Variants in LRP1B observed in about 807,000 individuals in gnomAD.
LRP1B encodes low-density lipoprotein receptor-related protein 1B.
A neutral mutation model predicts 556.6 loss-of-function variants in LRP1B; 217 were observed. The ratio of observed to expected loss-of-function variants is 0.39; its 90% CI spans 0.35 to 0.44. The LOEUF is 0.44. Among genes scored for constraint, LRP1B ranks in the 20% least tolerant of loss-of-function variants. The pLI is 1.00. For missense variants in LRP1B, 5,053 were observed against 5,620.8 expected, an observed-to-expected ratio of 0.90 and a Z score of 3.23; for synonymous variants, 2,047 against 1,865.8, an observed-to-expected ratio of 1.10 and a Z score of -2.50.
chr2:141,616,142 T>A (rs890771293), intron 2 of LRP1B, among the ~76,000 whole-genome samples: 2 of 151,812 alleles, frequency 1.3e-5, no homozygotes, highest in African/African-American at 4.8e-5. Flanking sequence ...ATTAGCTGGG[T>A]GTGGTGGCGT....
intron 1 of LRP1B, among the ~76,000 whole-genome samples, chr2:141,919,479 T>C (rs1700122459): frequency 6.6e-6 from 1 of 151,906 alleles, no homozygotes; most frequent in African/African-American, 2.4e-5. Flanking sequence ...GTTAAGAGAG[T>C]ATATATACTA....
intron 43 of LRP1B, among the ~76,000 whole-genome samples, chr2:140,596,851 C>T (rs1441469): frequency 0.21 from 31,885 of 151,882 alleles, 3,648 homozygotes; most frequent in Middle Eastern, 0.29. Flanking sequence ...ATGCCTTCCA[C>T]GGGGAGGGCT....
intron 66 of LRP1B, among the ~76,000 whole-genome samples, chr2:140,400,594 T>C (rs1684451897): frequency 6.6e-6 from 1 of 152,200 alleles, no homozygotes; most frequent in Non-Finnish European, 1.5e-5. Context: ...TCAACAATCA[T>C]GCATTGAAGG....
intron 7 of LRP1B, among the ~76,000 whole-genome samples, chr2:141,172,798 A>T (rs753873556): frequency 9.9e-5 from 15 of 152,028 alleles, no homozygotes; most frequent in Non-Finnish European, 2.1e-4. Context: ...AGCAACCTGG[A>T]ATTTATCTAT....
In LRP1B at chr2:140,354,886, T is replaced by C. The variant is rs903744222; in HGVS notation, c.11530+1456A>G. ...TTTGGGCTTTAACATCAAATAGCAATTTCTTATGCATTTTTTCAGATACAT... is the reference window on the plus strand; with the variant it reads ...TTTGGGCTTTAACATCAAATAGCAACTTCTTATGCATTTTTTCAGATACAT... On this transcript the variant is annotated intron_variant, in intron 75 of 90. Transcript: ENST00000389484. 5.8e-4 allele frequency among the ~76,000 whole-genome samples: 88 copies of C among 152,062 alleles called. 1 individual carries two copies. Among genetic ancestry groups the C allele is most frequent in the Non-Finnish European group, 1.1e-3 (77 of 67,994 alleles).
At chr2:140,559,328 C>T (rs572514787) in intron 43 of LRP1B, among the ~76,000 whole-genome samples, 10 of 151,886 alleles carry the variant, frequency 6.6e-5, no homozygotes, top group Admixed American at 1.3e-4. Flanking sequence ...TATCTGGATC[C>T]CAATTCAGAG....
intron 3 of LRP1B, among the ~76,000 whole-genome samples, chr2:141,284,330 A>C (rs1685622894): frequency 6.6e-6 from 1 of 152,236 alleles, no homozygotes; most frequent in African/African-American, 2.4e-5. Context: ...ATGAGATACC[A>C]CTGAAAATTA....
chr2:141,656,739 A>G (rs1017398111), intron 2 of LRP1B, among the ~76,000 whole-genome samples: 1 of 152,114 alleles, frequency 6.6e-6, no homozygotes, highest in African/African-American at 2.4e-5. Context: ...AGAACTTTGA[A>G]CATTTCATAT....
intron 11 of LRP1B, among the ~76,000 whole-genome samples, chr2:141,029,615 G>T (rs769718037): frequency 6.6e-6 from 1 of 152,080 alleles, no homozygotes; most frequent in African/African-American, 2.4e-5. Flanking sequence ...ATCCGCAGCT[G>T]TGGCACAACT....
rs115056303 is a variant in LRP1B at position 140,946,933 on chromosome 2, T to C, written c.3136+3302A>G. Among the ~76,000 whole-genome samples the C allele has an allele frequency of 5.3e-3, 799 of 152,178 alleles. 7 individuals carry two copies. Among genetic ancestry groups the C allele is most frequent in the African/African-American group, 0.018 (753 of 41,532 alleles). ...GAATTAACACAGAAACAGAAAACCA[T>C]ATATTAGATGTTCTTACTTGTAAGT... On this transcript the variant is annotated intron_variant, in intron 20 of 90. Transcript: ENST00000389484.
At chr2:140,349,666 C>G (rs1681868852) in intron 77 of LRP1B, among the ~76,000 whole-genome samples, 1 of 151,990 alleles carries the variant, frequency 6.6e-6, no homozygotes, top group Non-Finnish European at 1.5e-5. Context: ...AAGGTAAGTC[C>G]ACAGTATATA....
At chr2:141,775,214 T>C (rs921723135) in intron 2 of LRP1B, among the ~76,000 whole-genome samples, 2 of 152,274 alleles carry the variant, frequency 1.3e-5, no homozygotes, top group African/African-American at 2.4e-5. Context: ...TTTCATTGTC[T>C]TGGAGCTATT....
chr2:141,064,019 C>T (rs1344598469), intron 7 of LRP1B, among the ~76,000 whole-genome samples: 1 of 151,760 alleles, frequency 6.6e-6, no homozygotes, highest in Non-Finnish European at 1.5e-5. Context: ...TCTCTAAAGT[C>T]ATCCTCAGAT....
At chr2:141,474,496 A>G (rs1224588181) in intron 3 of LRP1B, among the ~76,000 whole-genome samples, 3 of 152,210 alleles carry the variant, frequency 2.0e-5, no homozygotes, top group Non-Finnish European at 4.4e-5. Context: ...TTTAATTAAC[A>G]GAAGTTATCA....
At chr2:142,100,463 G>A (rs1057232693) in intron 1 of LRP1B, among the ~76,000 whole-genome samples, 1 of 151,934 alleles carries the variant, frequency 6.6e-6, no homozygotes, top group Non-Finnish European at 1.5e-5. Flanking sequence ...CAGCTGCCAA[G>A]GAAAGCAGAT....
chr2:141,522,747 T>A (rs1684569282), intron 2 of LRP1B, among the ~76,000 whole-genome samples: 1 of 152,136 alleles, frequency 6.6e-6, no homozygotes, highest in African/African-American at 2.4e-5. Context: ...CAGGACTGAA[T>A]CAATGAAAAA....
chr2:141,917,488 A>T (rs1700069337), intron 1 of LRP1B, among the ~76,000 whole-genome samples: 1 of 152,220 alleles, frequency 6.6e-6, no homozygotes, highest in African/African-American at 2.4e-5. Flanking sequence ...CATCACTCAA[A>T]GTGCAAAAGT....
rs1691653636 is a variant in LRP1B at position 140,829,837 on chromosome 2, A to G, written c.5209+10154T>C. ...TAAAAGATAAATGACATAAAAAGCT[A>G]TTTTTTAAAAGACAAAATTGACAAA... On this transcript the variant is annotated intron_variant, in intron 31 of 90. Coordinates refer to ENST00000389484, the MANE Select transcript of LRP1B (RefSeq NM_018557.3). Among the ~76,000 whole-genome samples the G allele has an allele frequency of 2.0e-5, 3 of 151,942 alleles. No homozygotes were observed. In the South Asian group the frequency reaches 6.2e-4, roughly 31 times the overall value.
chr2:141,724,658 G>A (rs761039435), intron 2 of LRP1B, among the ~76,000 whole-genome samples: 143 of 151,898 alleles, frequency 9.4e-4, no homozygotes, highest in Middle Eastern at 6.8e-3. Flanking sequence ...TGGGAAAATT[G>A]ACTATCAGTG....
Sources: gnomAD v4.1 joint callset for allele counts (sites outside exome capture counted in the v4.1 genomes callset) on GRCh38, gnomAD v4.1.1 for gene constraint, MANE v1.5 for transcripts, NCBI Gene and HGNC (gene_info 2026-07-23, HGNC 2026-07-21) for gene names.